Variants in RGS6 observed in about 807,000 individuals in gnomAD.
RGS6 encodes the protein regulator of G-protein signaling 6.
A neutral mutation model predicts 78.5 loss-of-function variants in RGS6; 30 were observed. The observed-to-expected ratio is 0.38, with a 90% CI of 0.29 to 0.52. RGS6 has a LOEUF of 0.52. RGS6 is among the 20% of genes least tolerant of loss of function. RGS6 has a pLI of 0.85. For synonymous variants in RGS6, 206 were observed against 206.0 expected (o/e 1.00, Z 0.00); for missense variants, 495 against 609.7 (o/e 0.81, Z 1.98).
chr14:72,236,567 G>A (rs847279), intron 2 of RGS6, among the ~76,000 whole-genome samples: 50,541 of 151,862 alleles, frequency 0.33, 9,350 homozygotes, highest in South Asian at 0.46. Flanking sequence ...CTTTAATGTC[G>A]AAAATGCAAA....
Position 72,190,966 on chromosome 14 carries a change from C to A in RGS6, c.85-161129C>A, listed in dbSNP as rs114705894. On this transcript the variant is annotated intron_variant, in intron 2 of 17. Coordinates refer to ENST00000553525, the MANE Select transcript of RGS6 (RefSeq NM_001204424.2). ...AGGTAGAAATAGAGTTCCCTTTCAT[C>A]ACTAGCAATATGTTTCTTTTCTCAA... Among the ~76,000 whole-genome samples the A allele has an allele frequency of 3.0e-3, 451 of 152,280 alleles. 2 individuals carry two copies. Among genetic ancestry groups the A allele is most frequent in the African/African-American group, 0.01 (434 of 41,524 alleles).
chr14:72,052,989 C>CTCTT (rs2093374687), intron 2 of RGS6, among the ~76,000 whole-genome samples: 3 of 64,548 alleles, frequency 4.6e-5, no homozygotes, highest in African/African-American at 2.2e-4. Flanking sequence ...TTCTTTCTCT[C>CTCTT]TCTCTCTCTC....
chr14:72,102,901 G>A (rs547125983), intron 2 of RGS6, among the ~76,000 whole-genome samples: 7 of 152,098 alleles, frequency 4.6e-5, no homozygotes, highest in East Asian at 1.9e-4. Flanking sequence ...CTCAGGGTTC[G>A]TGATTTAATG....
the RGS6 span, among the ~76,000 whole-genome samples, chr14:72,629,353 G>A: frequency 6.6e-6 from 1 of 152,164 alleles, no homozygotes; most frequent in African/African-American, 2.4e-5. Flanking sequence ...AAATGTTCTT[G>A]AAAATTTTGC....
chr14:72,498,077 T>C (rs1051285016), intron 13 of RGS6, among the ~76,000 whole-genome samples: 13 of 152,160 alleles, frequency 8.5e-5, no homozygotes, highest in Admixed American at 8.5e-4. Context: ...TTTAGAGAGT[T>C]TTTCTTTTCC....
intron 2 of RGS6, among the ~76,000 whole-genome samples, chr14:72,340,192 G>A (rs181409291): frequency 2.6e-5 from 4 of 152,192 alleles, no homozygotes; most frequent in Admixed American, 2.6e-4. Flanking sequence ...ATTGTGAGGA[G>A]AGTTCTCTAC....
chr14:72,051,341 G>A (rs1250309527), intron 2 of RGS6, among the ~76,000 whole-genome samples: 1 of 152,148 alleles, frequency 6.6e-6, no homozygotes, highest in African/African-American at 2.4e-5. Context: ...TGGACAAAAG[G>A]TGATATTTTG....
At chr14:72,353,389 A>G (rs1759313757) in intron 3 of RGS6, among the ~76,000 whole-genome samples, 1 of 152,226 alleles carries the variant, frequency 6.6e-6, no homozygotes, top group South Asian at 2.1e-4. Flanking sequence ...ATCAGCAACA[A>G]AAACCAGGGA....
chr14:72,015,965 G>T (rs2153233535), intron 2 of RGS6, among the ~76,000 whole-genome samples: 1 of 152,102 alleles, frequency 6.6e-6, no homozygotes, highest in Middle Eastern at 3.4e-3. Context: ...TTCTTTGTCA[G>T]TTTAATGGGC....
At chr14:71,966,253 G>A (rs552092958) in intron 2 of RGS6, among the ~76,000 whole-genome samples, 57 of 152,236 alleles carry the variant, frequency 3.7e-4, no homozygotes, top group African/African-American at 1.3e-3. Flanking sequence ...AGATATTCCT[G>A]GATGATCAAT....
chr14:72,481,347 A>G (rs986422142), intron 12 of RGS6, among the ~76,000 whole-genome samples: 3 of 152,190 alleles, frequency 2.0e-5, no homozygotes, highest in Admixed American at 6.5e-5. Flanking sequence ...AACTGGATAT[A>G]TGGTGCTTAA....
At chr14:72,145,008 A>G (rs1024084961) in intron 2 of RGS6, among the ~76,000 whole-genome samples, 17 of 152,116 alleles carry the variant, frequency 1.1e-4, no homozygotes, top group Non-Finnish European at 2.9e-5. Context: ...AGATGGAATC[A>G]TAGAGGGGTC....
At chr14:71,963,423 A>G (rs1035545240) in intron 1 of RGS6, among the ~76,000 whole-genome samples, 5 of 152,216 alleles carry the variant, frequency 3.3e-5, no homozygotes, top group African/African-American at 1.2e-4. Context: ...ATTCAGTGGC[A>G]TTTCATGCTT....
chr14:72,407,861 C>G (rs929778282), intron 3 of RGS6, among the ~76,000 whole-genome samples: 2 of 152,172 alleles, frequency 1.3e-5, no homozygotes, highest in African/African-American at 2.4e-5. Context: ...TTTATTCTAA[C>G]ATTTGTTGCA....
rs146090770 is a variant in RGS6 at position 72,468,724 on chromosome 14, G to A, written c.460-1283G>A. ...TACCATGTCAGTAACTATAATCTAC[G>A]TTATTGTGTTTAATGGCTGCCTAGA... On this transcript the variant is annotated intron_variant, in intron 7 of 17. Transcript: ENST00000553525. 3.3e-3 allele frequency among the ~76,000 whole-genome samples: 504 copies of A among 152,100 alleles called. 2 individuals are homozygous for A. The highest frequency in any genetic ancestry group is 0.017 in the Middle Eastern group (5 of 294).
At chr14:72,053,743 G>T (rs2093466644) in intron 2 of RGS6, among the ~76,000 whole-genome samples, 1 of 152,182 alleles carries the variant, frequency 6.6e-6, no homozygotes, top group African/African-American at 2.4e-5. Context: ...TAAGAGCCTT[G>T]TTGTGTAGGA....
At chr14:72,547,475 G>A (rs929097140) in intron 17 of RGS6, 3 of 718,932 alleles carry the variant, frequency 4.2e-6, no homozygotes, top group African/African-American at 3.6e-5. Context: ...CCTGGTTTGA[G>A]TTGAGTTAGG....
At chr14:72,158,622 T>A (rs2096806673) in intron 2 of RGS6, among the ~76,000 whole-genome samples, 1 of 152,218 alleles carries the variant, frequency 6.6e-6, no homozygotes, top group Non-Finnish European at 1.5e-5. Flanking sequence ...GTACCTGTTA[T>A]ATCATCACTA....
intron 2 of RGS6, among the ~76,000 whole-genome samples, chr14:72,148,261 G>A (rs571680024): frequency 6.6e-6 from 1 of 152,110 alleles, no homozygotes; most frequent in Non-Finnish European, 1.5e-5. Flanking sequence ...TTTGGGTATG[G>A]TGATGCAAAC....
Sources: gnomAD v4.1 joint callset for allele counts (sites outside exome capture counted in the v4.1 genomes callset) on GRCh38, gnomAD v4.1.1 for gene constraint, MANE v1.5 for transcripts, NCBI Gene and HGNC (gene_info 2026-07-23, HGNC 2026-07-21) for gene names.